Variants in NEXMIF observed in about 807,000 individuals in gnomAD.
NEXMIF encodes XLMR protein related to neurite extension.
Under a neutral mutation model 62.1 loss-of-function variants are expected in NEXMIF, and 8 were observed. That is an observed-to-expected ratio of 0.13 (90% CI 0.08 to 0.23). The LOEUF (loss-of-function observed/expected upper bound fraction) is 0.23, where lower values mean the gene tolerates loss of function less well. Ranked by LOEUF, NEXMIF falls within the 10% of genes least tolerant of loss-of-function variation. The probability of loss-of-function intolerance (pLI) is 1.00; values close to 1 mark genes in which losing one functional copy is unlikely to be tolerated. For synonymous variants in NEXMIF, 404 were observed against 416.6 expected (o/e 0.97, Z 0.37); for missense variants, 976 against 1,113.3 (o/e 0.88, Z 1.75).
At chrX:74,836,946 C>T (rs2798174) in intron 1 of NEXMIF, among the ~76,000 whole-genome samples, 8,655 of 111,110 alleles carry the variant, frequency 0.078, 841 homozygotes, top group African/African-American at 0.27. Flanking sequence ...GGTGGTGAGG[C>T]TTGCTGAGAG....
At chrX:74,858,270 A>G (rs1186472680) in intron 1 of NEXMIF, among the ~76,000 whole-genome samples, 7 of 112,497 alleles carry the variant, frequency 6.2e-5, no homozygotes, top group African/African-American at 2.3e-4. Context: ...TGGTGGCCAC[A>G]GAGGTACTTG....
intron 1 of NEXMIF, among the ~76,000 whole-genome samples, chrX:74,892,183 A>C (rs2080719899): frequency 8.9e-6 from 1 of 112,336 alleles, no homozygotes; most frequent in Non-Finnish European, 1.9e-5. Flanking sequence ...ACCCAAAGAA[A>C]TATTCTCAAT....
At chrX:74,836,632 C>T (rs1322852598) in intron 1 of NEXMIF, among the ~76,000 whole-genome samples, 1 of 111,604 alleles carries the variant, frequency 9.0e-6, no homozygotes, top group Non-Finnish European at 1.9e-5. Context: ...TGGTACCCTA[C>T]CCTATTGTGG....
At chrX:74,801,648 G>A (rs2080329994) in intron 1 of NEXMIF, among the ~76,000 whole-genome samples, 1 of 112,156 alleles carries the variant, frequency 8.9e-6, no homozygotes, top group African/African-American at 3.2e-5. Flanking sequence ...TTTGGTGGCT[G>A]CAGGGCAAGA....
chrX:74,744,641 G>A lies in NEXMIF; in HGVS notation c.80-164C>T, dbSNP rs183261838. Among the ~76,000 whole-genome samples, 5 of 112,138 alleles carry A rather than the reference G, an allele frequency of 4.5e-5. No individual in the cohort carries two copies. In the East Asian group the frequency reaches 8.4e-4, roughly 19 times the overall value. Reference sequence around the variant, plus strand: ...AAAAACTACAACGTTAAAGAACAACGCTGATTTTATATTGAACATTCATGC... The same window carrying A: ...AAAAACTACAACGTTAAAGAACAACACTGATTTTATATTGAACATTCATGC... On this transcript the variant is annotated intron_variant, in intron 2 of 3. Coordinates refer to ENST00000055682, the MANE Select transcript of NEXMIF (RefSeq NM_001008537.3).
chrX:74,817,911 A>G (rs537380767), intron 1 of NEXMIF, among the ~76,000 whole-genome samples: 10 of 111,150 alleles, frequency 9.0e-5, no homozygotes, highest in Non-Finnish European at 1.7e-4. Flanking sequence ...GAGGTTGAAG[A>G]TCTATACAAA....
Position 74,742,470 on chromosome X carries a change from C to A in NEXMIF, c.2087G>T (p.Gly696Val), listed in dbSNP as rs1270039330. 52 of 1,207,600 alleles carry A rather than the reference C, an allele frequency of 4.3e-5. No individual in the cohort carries two copies. Among genetic ancestry groups the A allele is most frequent in the Non-Finnish European group, 5.1e-5 (46 of 894,062 alleles). The part of the protein sequence containing the change: ...ANGSHLNDIT[G>V]PDSVKVKAQD... ...GGCTTTGACTTTCACTGAGTCAGGG[C>A]CTGTGATGTCATTTAAATGTGATCC... The change falls in exon 3 of 4, where the codon GGC becomes GTC. Residue 696 changes from glycine (G) to valine (V), a missense_variant. Around this residue, in one of 5 missense-constraint regions of NEXMIF, gnomAD observed 639 missense variants for 694.5 expected, o/e 0.92. Coordinates refer to ENST00000055682, the MANE Select transcript of NEXMIF (RefSeq NM_001008537.3).
chrX:74,857,281 G>C (rs1347472512), intron 1 of NEXMIF, among the ~76,000 whole-genome samples: 1 of 112,219 alleles, frequency 8.9e-6, no homozygotes, highest in Non-Finnish European at 1.9e-5. Flanking sequence ...AGAGGAGAGG[G>C]AAGAGTAAAG....
At chrX:74,827,763 G>A (rs2080423249) in intron 1 of NEXMIF, among the ~76,000 whole-genome samples, 1 of 111,685 alleles carries the variant, frequency 9.0e-6, no homozygotes, top group Non-Finnish European at 1.9e-5. Flanking sequence ...GGGAAGAGAT[G>A]TGTACAATTA....
At chrX:74,798,194 T>G (rs2080318185) in intron 1 of NEXMIF, among the ~76,000 whole-genome samples, 1 of 111,372 alleles carries the variant, frequency 9.0e-6, no homozygotes, top group Non-Finnish European at 1.9e-5. Flanking sequence ...GACAGGTTGA[T>G]CTATTCAGCA....
intron 1 of NEXMIF, among the ~76,000 whole-genome samples, chrX:74,759,220 CT>C (rs2080168607): frequency 8.9e-6 from 1 of 112,214 alleles, no homozygotes; most frequent in Non-Finnish European, 1.9e-5. Context: ...CCTTTGCCCA[CT>C]TTTTAATGGG....
chrX:74,894,999 G>C (rs2080728564), intron 1 of NEXMIF, among the ~76,000 whole-genome samples: 1 of 112,182 alleles, frequency 8.9e-6, no homozygotes, highest in Admixed American at 9.5e-5. Flanking sequence ...GAGAAAGATA[G>C]AAAGGGCATC....
intron 1 of NEXMIF, among the ~76,000 whole-genome samples, chrX:74,814,914 C>A (rs1477618849): frequency 9.0e-6 from 1 of 111,649 alleles, no homozygotes; most frequent in Non-Finnish European, 1.9e-5. Flanking sequence ...CTTTGCTATT[C>A]CAGACAGACC....
At chrX:74,789,061 T>G (rs1256123230) in intron 1 of NEXMIF, among the ~76,000 whole-genome samples, 1 of 108,441 alleles carries the variant, frequency 9.2e-6, no homozygotes, top group African/African-American at 3.4e-5. Flanking sequence ...TATGCCATGC[T>G]GGTGCACTGC....
rs1300415157 is a variant in NEXMIF at position 74,887,189 on chromosome X, T to C, written c.-48+37694A>G. Among the ~76,000 whole-genome samples, 6 of 111,992 alleles carry C rather than the reference T, an allele frequency of 5.4e-5. 1 individual carries two copies. The highest frequency in any genetic ancestry group is 4.7e-4 in the Admixed American group (5 of 10,571). ...GACTTACAGGTTAGACCTAAAACCA[T>C]AAAAACCCTAGAAGAAAACCTAGGC... On this transcript the variant is annotated intron_variant, in intron 1 of 3. Transcript: ENST00000055682.
At chrX:74,759,696 A>G (rs2080170316) in intron 1 of NEXMIF, among the ~76,000 whole-genome samples, 1 of 111,354 alleles carries the variant, frequency 9.0e-6, no homozygotes, top group Non-Finnish European at 1.9e-5. Flanking sequence ...TTAGATGGCT[A>G]TAGGTGAGAG....
In NEXMIF at chrX:74,744,029, C is replaced by T. The variant is rs771772716; in HGVS notation, c.528G>A (p.Thr176=). Reference sequence around the variant, plus strand: ...GAATCCCTATATCAGAGACTGCACACGTTTCATAATCCCTATTTAGATCAC... The same window carrying T: ...GAATCCCTATATCAGAGACTGCACATGTTTCATAATCCCTATTTAGATCAC... The part of the protein sequence containing the change: ...KVGDLNRDYE[T]CAVSDIGIQC... The change falls in exon 3 of 4, where the codon ACG becomes ACA. Residue 176 remains threonine (T), a synonymous_variant. Transcript: ENST00000055682. 5 of 1,210,075 alleles carry T rather than the reference C, an allele frequency of 4.1e-6. No homozygotes were observed. The highest frequency in any genetic ancestry group is 2.2e-5 in the Admixed American group (1 of 45,964).
intron 1 of NEXMIF, among the ~76,000 whole-genome samples, chrX:74,807,818 G>C (rs372914282): frequency 9.0e-6 from 1 of 111,684 alleles, no homozygotes; most frequent in East Asian, 2.8e-4. Context: ...TTGAATAGGA[G>C]TGGTAGGAGT....
Position 74,742,088 on chromosome X carries a change from G to A in NEXMIF, c.2469C>T (p.Asp823=), listed in dbSNP as rs774744399. 2.5e-6 allele frequency: 3 copies of A among 1,210,905 alleles called. No individual in the cohort carries two copies. The highest frequency in any genetic ancestry group is 3.5e-5 in the African/African-American group (2 of 57,771). ...ATGAGATACTAGTGTTATTTGACAA[G>A]TCAGAAGCATCTAACAATGTCTGCA... ...GYLQTLLDAS[D]LSNNTSISYF... Residue 823 remains aspartate, a synonymous_variant, in exon 3 of 4, where the codon GAC becomes GAT. Transcript: ENST00000055682.
Sources: gnomAD v4.1 joint callset for allele counts (sites outside exome capture counted in the v4.1 genomes callset) on GRCh38, gnomAD v4.1.1 for gene constraint, gnomAD v4.1.1 regional missense constraint, MANE v1.5 for transcripts, NCBI Gene and HGNC (gene_info 2026-07-23, HGNC 2026-07-21) for gene names.